ENTREP2: variants seen among roughly 807,000 people sequenced by gnomAD.
ENTREP2 encodes the protein endosomal transmembrane epsin interactor 2.
chr15:29,387,038 GA>G, the ENTREP2 span, among the ~76,000 whole-genome samples: 1 of 152,138 alleles, frequency 6.6e-6, no homozygotes, highest in Non-Finnish European at 1.5e-5. Flanking sequence ...ACACTATGTT[GA>G]ATAGGAGTGG....
At chr15:29,583,773 A>G in the ENTREP2 span, among the ~76,000 whole-genome samples, 1 of 152,188 alleles carries the variant, frequency 6.6e-6, no homozygotes, top group East Asian at 1.9e-4. Flanking sequence ...CAAACAACCA[A>G]AATAACTAGA....
At chr15:29,621,522 C>CA in the ENTREP2 span, among the ~76,000 whole-genome samples, 1,181 of 15,616 alleles carry the variant, frequency 0.076, 225 homozygotes, top group Non-Finnish European at 0.095. Flanking sequence ...GACTCTGTCT[C>CA]AAAAAAAAAA....
the ENTREP2 span, among the ~76,000 whole-genome samples, chr15:29,478,019 A>ATT: frequency 0.014 from 758 of 54,202 alleles, 24 homozygotes; most frequent in South Asian, 0.031. Context: ...ATATATATAT[A>ATT]TTTTTTTTTT....
At chr15:29,275,370 A>G in the ENTREP2 span, among the ~76,000 whole-genome samples, 3 of 152,268 alleles carry the variant, frequency 2.0e-5, no homozygotes, top group African/African-American at 7.2e-5. Context: ...TTTAACTTCA[A>G]AGTGACACTA....
At chr15:29,230,657 A>T in the ENTREP2 span, among the ~76,000 whole-genome samples, 2 of 152,162 alleles carry the variant, frequency 1.3e-5, no homozygotes, top group African/African-American at 4.8e-5. Context: ...CTCAACAAAG[A>T]AGTAGTTTTG....
chr15:29,356,294 A>C, the ENTREP2 span, among the ~76,000 whole-genome samples: 1 of 48,636 alleles, frequency 2.1e-5, no homozygotes, highest in Non-Finnish European at 3.6e-5. Context: ...ATATATATAT[A>C]TATTTTTTTT....
the ENTREP2 span, among the ~76,000 whole-genome samples, chr15:29,595,069 A>G: frequency 5.9e-5 from 2 of 33,924 alleles, no homozygotes; most frequent in Non-Finnish European, 8.1e-5. Flanking sequence ...CTCCGTCTCA[A>G]AAAAAAAAAA....
the ENTREP2 span, among the ~76,000 whole-genome samples, chr15:29,605,455 T>G: frequency 6.6e-6 from 1 of 152,208 alleles, no homozygotes; most frequent in Non-Finnish European, 1.5e-5. Flanking sequence ...TTTGTCTTAT[T>G]TCACTTAACC....
the ENTREP2 span, among the ~76,000 whole-genome samples, chr15:29,336,240 T>C: frequency 6.6e-6 from 1 of 151,978 alleles, no homozygotes; most frequent in Non-Finnish European, 1.5e-5. Flanking sequence ...GATAATTGGA[T>C]GCGTGGCCTC....
At chr15:29,407,371 G>A in the ENTREP2 span, among the ~76,000 whole-genome samples, 104 of 152,296 alleles carry the variant, frequency 6.8e-4, 3 homozygotes, top group South Asian at 7.2e-3. Context: ...GGTGTGTGGT[G>A]TACGACTGTA....
chr15:29,666,400 T>C, the ENTREP2 span, among the ~76,000 whole-genome samples: 1 of 151,720 alleles, frequency 6.6e-6, no homozygotes, highest in Non-Finnish European at 1.5e-5. Context: ...CCACCCTCAT[T>C]ACACCTCCCC....
At chr15:29,561,321 C>T in the ENTREP2 span, among the ~76,000 whole-genome samples, 2 of 152,036 alleles carry the variant, frequency 1.3e-5, no homozygotes, top group African/African-American at 4.8e-5. Flanking sequence ...ATTCATAAAT[C>T]CATACATATA....
At chr15:29,352,514 C>T in the ENTREP2 span, among the ~76,000 whole-genome samples, 1 of 152,082 alleles carries the variant, frequency 6.6e-6, no homozygotes, top group Non-Finnish European at 1.5e-5. Flanking sequence ...ATTCTGAAGC[C>T]CTTCGGTCTC....
At chr15:29,467,699 C>G in the ENTREP2 span, among the ~76,000 whole-genome samples, 1 of 152,186 alleles carries the variant, frequency 6.6e-6, no homozygotes, top group South Asian at 2.1e-4. Context: ...ACACACGTTA[C>G]TCTGAGGAAG....
chr15:29,467,648 T>C, the ENTREP2 span, among the ~76,000 whole-genome samples: 4 of 152,128 alleles, frequency 2.6e-5, no homozygotes, highest in South Asian at 6.2e-4. Context: ...CCGGTGAAAC[T>C]ACCACATCCC....
chr15:29,389,355 T>G, the ENTREP2 span, among the ~76,000 whole-genome samples: 1 of 152,070 alleles, frequency 6.6e-6, no homozygotes, highest in African/African-American at 2.4e-5. Flanking sequence ...TGGATTGTTG[T>G]TCCAAAACAT....
the ENTREP2 span, among the ~76,000 whole-genome samples, chr15:29,606,477 A>ACCCG: frequency 6.6e-6 from 1 of 151,312 alleles, no homozygotes; most frequent in African/African-American, 2.4e-5. Context: ...CTTGTGATCC[A>ACCCG]CCCGCCTCAG....
chr15:29,416,343 C>CGT, the ENTREP2 span, among the ~76,000 whole-genome samples: 1 of 152,126 alleles, frequency 6.6e-6, no homozygotes, highest in Non-Finnish European at 1.5e-5. Context: ...AATAATGCCG[C>CGT]GTATCTACAA....
chr15:29,131,154 T>C, the ENTREP2 span, among the ~76,000 whole-genome samples: 1 of 152,158 alleles, frequency 6.6e-6, no homozygotes, highest in Non-Finnish European at 1.5e-5. Flanking sequence ...AGGCCAACCA[T>C]TAGAAACAGA....
Sources: gnomAD v4.1 joint callset for allele counts (sites outside exome capture counted in the v4.1 genomes callset) on GRCh38, gnomAD v4.1.1 for gene constraint, MANE v1.5 for transcripts, NCBI Gene and HGNC (gene_info 2026-07-23, HGNC 2026-07-21) for gene names.